BMPR1A: variants seen among roughly 807,000 people sequenced by gnomAD.
BMPR1A encodes the protein bone morphogenetic protein receptor type 1A, also known as bone morphogenetic protein receptor type-1A.
BMPR1A carries 7 observed loss-of-function variants against 66.0 expected under a neutral mutation model. That is an observed-to-expected ratio of 0.11 (90% CI 0.06 to 0.20). The LOEUF is 0.20. BMPR1A is among the 10% of genes least tolerant of loss of function. BMPR1A has a pLI of 1.00. For missense variants in BMPR1A, 408 were observed against 669.1 expected (o/e 0.61, Z 4.31); for synonymous variants, 200 against 229.7 (o/e 0.87, Z 1.17).
At chr10:86,842,839 C>A (rs1842442925) in intron 2 of BMPR1A, among the ~76,000 whole-genome samples, 2 of 152,008 alleles carry the variant, frequency 1.3e-5, no homozygotes, top group African/African-American at 4.8e-5. Context: ...CTTACAAAAT[C>A]ATCAGATCTT....
At chr10:86,824,028 G>C (rs1277340972) in intron 1 of BMPR1A, among the ~76,000 whole-genome samples, 1 of 142,076 alleles carries the variant, frequency 7.0e-6, no homozygotes, top group East Asian at 2.5e-4. Context: ...AGGGAACTAT[G>C]TCTTAAATGT....
intron 5 of BMPR1A, 132 bp downstream of exon 5, chr10:86,892,361 C>G (rs1843164591): frequency 2.9e-6 from 2 of 692,934 alleles, no homozygotes; most frequent in East Asian, 5.5e-5. Context: ...TGGAGGAATA[C>G]CTACTGTCTA....
At chr10:86,915,901 A>C (rs1216245622) in intron 8 of BMPR1A, among the ~76,000 whole-genome samples, 2 of 152,244 alleles carry the variant, frequency 1.3e-5, no homozygotes. Flanking sequence ...CAATCCATGT[A>C]CATCTTTTAT....
At chr10:86,842,530 C>T (rs1314295852) in intron 2 of BMPR1A, among the ~76,000 whole-genome samples, 1 of 151,970 alleles carries the variant, frequency 6.6e-6, no homozygotes, top group African/African-American at 2.4e-5. Flanking sequence ...ATTTTGAATG[C>T]CATGGCAAGG....
intron 1 of BMPR1A, among the ~76,000 whole-genome samples, chr10:86,771,196 G>GTT (rs1319943252): frequency 6.6e-6 from 1 of 152,096 alleles, no homozygotes; most frequent in East Asian, 1.9e-4. Context: ...AATTGTTGGA[G>GTT]TTTATCAAAC....
chr10:86,906,373 G>A (rs192017624), intron 7 of BMPR1A, among the ~76,000 whole-genome samples: 13 of 152,126 alleles, frequency 8.5e-5, no homozygotes, highest in African/African-American at 2.4e-4. Flanking sequence ...TGAATCTATG[G>A]TTTGCTATCT....
chr10:86,816,576 A>C (rs1452269989), intron 1 of BMPR1A, among the ~76,000 whole-genome samples: 1 of 152,208 alleles, frequency 6.6e-6, no homozygotes, highest in Non-Finnish European at 1.5e-5. Flanking sequence ...GGATCAGGAG[A>C]TACACTTCCT....
intron 1 of BMPR1A, among the ~76,000 whole-genome samples, chr10:86,767,088 C>T (rs1233019429): frequency 6.6e-6 from 1 of 152,168 alleles, no homozygotes; most frequent in Admixed American, 6.5e-5. Context: ...TCCCAAAGTG[C>T]TGGGATTACA....
chr10:86,892,290 T>G, intron 5 of BMPR1A, 61 bp downstream of exon 5: 8 of 1,327,952 alleles, frequency 6.0e-6, no homozygotes, highest in Non-Finnish European at 7.6e-6. Context: ...AAGCATCGAT[T>G]TCCCCCAGGA....
At chr10:86,857,394 T>C (rs190197985) in intron 2 of BMPR1A, among the ~76,000 whole-genome samples, 1 of 152,338 alleles carries the variant, frequency 6.6e-6, no homozygotes, top group Non-Finnish European at 1.5e-5. Context: ...CTGAATACAT[T>C]ATTTATTATA....
At chr10:86,757,441 T>C (rs1847894121) in intron 1 of BMPR1A, among the ~76,000 whole-genome samples, 1 of 152,200 alleles carries the variant, frequency 6.6e-6, no homozygotes. Context: ...CGGCCTCCGC[T>C]CCGTGGCCTG....
chr10:86,802,160 C>A (rs1330167742), intron 1 of BMPR1A, among the ~76,000 whole-genome samples: 1 of 152,170 alleles, frequency 6.6e-6, no homozygotes, highest in African/African-American at 2.4e-5. Flanking sequence ...GTGCCAAACT[C>A]TTAGCCGCTG....
chr10:86,762,867 C>T (rs909554998), intron 1 of BMPR1A, among the ~76,000 whole-genome samples: 3 of 152,036 alleles, frequency 2.0e-5, no homozygotes, highest in Admixed American at 2.0e-4. Flanking sequence ...CAAGAAAGGA[C>T]AAGGAGACTG....
intron 8 of BMPR1A, among the ~76,000 whole-genome samples, chr10:86,915,228 A>C (rs11202257): frequency 6.6e-6 from 1 of 151,762 alleles, no homozygotes; most frequent in South Asian, 2.1e-4. Flanking sequence ...ACAGGGTTTC[A>C]CCATGTTGGC....
intron 1 of BMPR1A, among the ~76,000 whole-genome samples, chr10:86,780,635 A>G (rs777082802): frequency 9.2e-5 from 14 of 151,850 alleles, no homozygotes; most frequent in Non-Finnish European, 1.8e-4. Context: ...GGGTTTCACC[A>G]TGTTGGTCAG....
intron 1 of BMPR1A, among the ~76,000 whole-genome samples, chr10:86,776,938 C>A (rs1841358548): frequency 6.6e-6 from 1 of 152,122 alleles, no homozygotes; most frequent in South Asian, 2.1e-4. Flanking sequence ...AAAATTATAA[C>A]CCCTTCCATA....
chr10:86,778,927 CTT>C (rs34496927), intron 1 of BMPR1A, among the ~76,000 whole-genome samples: 12 of 118,440 alleles, frequency 1.0e-4, no homozygotes, highest in East Asian at 2.5e-4. Flanking sequence ...TATGTATTTT[CTT>C]TTTTTTTTTT....
chr10:86,760,480 C>A (rs920419985), intron 1 of BMPR1A, among the ~76,000 whole-genome samples: 2 of 151,930 alleles, frequency 1.3e-5, no homozygotes, highest in Admixed American at 6.6e-5. Context: ...TCAGTTGATC[C>A]GCTCGCCTCA....
intron 1 of BMPR1A, among the ~76,000 whole-genome samples, chr10:86,771,480 C>A (rs1255006083): frequency 6.6e-6 from 1 of 152,128 alleles, no homozygotes; most frequent in Non-Finnish European, 1.5e-5. Context: ...ATTATCAGTT[C>A]CCTTTTACAT....
Sources: allele counts gnomAD v4.1 joint callset (sites outside exome capture counted in the v4.1 genomes callset), GRCh38; gene constraint gnomAD v4.1.1; transcripts MANE v1.5; gene names NCBI Gene and HGNC (gene_info 2026-07-23, HGNC 2026-07-21).